IL1R2: variants seen among roughly 807,000 people sequenced by gnomAD.
IL1R2 encodes the protein interleukin 1 receptor type 2.
A neutral mutation model predicts 39.5 loss-of-function variants in IL1R2; 46 were observed. The observed-to-expected ratio is 1.16, with a 90% CI of 0.92 to 1.49. The LOEUF is 1.49. Ranked by LOEUF, IL1R2 falls within the 40% of genes most tolerant of loss-of-function variation. IL1R2 has a pLI of 0.00. For synonymous variants in IL1R2, 207 were observed against 189.6 expected (o/e 1.09, Z -0.75); for missense variants, 537 against 502.0 (o/e 1.07, Z -0.67).
At chr2:102,006,204 G>A (rs555236697) in intron 1 of IL1R2, among the ~76,000 whole-genome samples, 1 of 152,302 alleles carries the variant, frequency 6.6e-6, no homozygotes, top group East Asian at 1.9e-4. Flanking sequence ...CAGTATAGTT[G>A]GGGATGTGAT....
At chr2:101,998,518 A>G (rs1419791836) in intron 1 of IL1R2, among the ~76,000 whole-genome samples, 2 of 152,236 alleles carry the variant, frequency 1.3e-5, no homozygotes, top group East Asian at 3.8e-4. Context: ...CTATTTTATG[A>G]TAACTCCTAG....
intron 4 of IL1R2, 96 bp downstream of exon 4, chr2:102,016,147 GCACACA>G: frequency 1.1e-6 from 1 of 919,280 alleles, no homozygotes; most frequent in South Asian, 1.7e-5. Flanking sequence ...TGAAGACAGT[GCACACA>G]CACACACGCA....
intron 3 of IL1R2, chr2:102,010,215 T>C (rs1270671236): frequency 1.0e-5 from 2 of 191,094 alleles, no homozygotes; most frequent in Non-Finnish European, 2.2e-5. Context: ...TGGTCTATGT[T>C]GTTCACTGTT....
chr2:102,011,568 C>CT (rs1232210598), intron 3 of IL1R2, among the ~76,000 whole-genome samples: 3 of 152,202 alleles, frequency 2.0e-5, no homozygotes, highest in Non-Finnish European at 4.4e-5. Flanking sequence ...TTTATGGACT[C>CT]TAAGTCCTTT....
At chr2:102,027,046 A>G (rs1677785365) in intron 8 of IL1R2, among the ~76,000 whole-genome samples, 1 of 152,218 alleles carries the variant, frequency 6.6e-6, no homozygotes, top group Non-Finnish European at 1.5e-5. Context: ...CAGGACAGGG[A>G]ATGGCACCCA....
chr2:102,008,700 A>T, intron 2 of IL1R2, 58 bp downstream of exon 2: 1 of 1,425,374 alleles, frequency 7.0e-7, no homozygotes, highest in Non-Finnish European at 9.9e-7. Flanking sequence ...CTGGGGAAAG[A>T]TGTTATCTAG....
At chr2:102,006,690 G>A (rs1676283053) in intron 1 of IL1R2, among the ~76,000 whole-genome samples, 1 of 152,224 alleles carries the variant, frequency 6.6e-6, no homozygotes, top group Admixed American at 6.5e-5. Context: ...TCTAGTGTGT[G>A]GGCCATGAGG....
intron 8 of IL1R2, 42 bp downstream of exon 8, chr2:102,026,295 T>C (rs1238575013): frequency 1.4e-6 from 2 of 1,462,002 alleles, no homozygotes; most frequent in Non-Finnish European, 1.9e-6. Context: ...GAATATAACA[T>C]GTTGAATGTT....
chr2:102,028,182 T>G, intron 8 of IL1R2, 44 bp from the exon 9 acceptor site: 13 of 1,542,842 alleles, frequency 8.4e-6, no homozygotes, highest in Non-Finnish European at 9.7e-6. Context: ...TCTTGTACAG[T>G]GAGAGACTGT....
intron 1 of IL1R2, among the ~76,000 whole-genome samples, chr2:101,998,275 C>G (rs1037576432): frequency 6.6e-6 from 1 of 152,186 alleles, no homozygotes; most frequent in Admixed American, 6.5e-5. Flanking sequence ...CTGGTGTCTG[C>G]GCTTAAAATC....
At position 102,024,849 on chromosome 2, in the gene IL1R2, C is replaced by T. The variant is rs1311568962; in HGVS notation, c.887+181C>T. 1.5e-5 allele frequency: 11 copies of T among 747,412 alleles called. No individual in the cohort carries two copies. The African/African-American group carries it at 1.6e-4, about 11-fold the overall frequency. The allele number at this position is 747,412 out of a possible 1,614,324, so 46.3% of individuals were successfully genotyped here. ...AATTATCTTGAGAATCAAACTTTCTCTGTAAATACTTAAAAGTTGAGTTGC... is the reference window on the plus strand; with the variant it reads ...AATTATCTTGAGAATCAAACTTTCTTTGTAAATACTTAAAAGTTGAGTTGC... On this transcript the variant is annotated intron_variant, in intron 7 of 8. Transcript: ENST00000332549.
intron 1 of IL1R2, among the ~76,000 whole-genome samples, chr2:102,002,469 G>GTGTCTA (rs1243790872): frequency 9.6e-6 from 1 of 104,098 alleles, no homozygotes; most frequent in Non-Finnish European, 1.8e-5. Flanking sequence ...GTCTCTGTCT[G>GTGTCTA]TGTCTGTGTC....
At chr2:102,013,552 AGGAAAGAAAGAAAAGAAAAGAAGGAAAAG>A (rs1676782017) in intron 3 of IL1R2, among the ~76,000 whole-genome samples, 67 of 89,960 alleles carry the variant, frequency 7.4e-4, no homozygotes, top group Middle Eastern at 5.3e-3. Flanking sequence ...AAAAAAAAAA[AGGAAAGAAAGAAAAGAAAAGAAGGAAAAG>A]AAAAAGAAAA....
intron 1 of IL1R2, among the ~76,000 whole-genome samples, chr2:101,992,380 C>G (rs201671574): frequency 7.6e-6 from 1 of 130,886 alleles, no homozygotes; most frequent in Non-Finnish European, 1.6e-5. Context: ...GGCAGAGAGA[C>G]AGAGACAGAG....
chr2:102,027,391 T>G (rs1195759770), intron 8 of IL1R2, among the ~76,000 whole-genome samples: 1 of 152,158 alleles, frequency 6.6e-6, no homozygotes, highest in Non-Finnish European at 1.5e-5. Context: ...CTGGGAACCT[T>G]TAAAATTTTC....
intron 4 of IL1R2, among the ~76,000 whole-genome samples, chr2:102,018,859 A>G (rs1677176779): frequency 6.6e-6 from 1 of 152,220 alleles, no homozygotes; most frequent in Non-Finnish European, 1.5e-5. Flanking sequence ...TCTCCTTTCA[A>G]TTAAATATGT....
In IL1R2 at chr2:102,008,631, C is replaced by G; in HGVS notation, c.56C>G (p.Ala19Gly). 6.2e-7 allele frequency: 1 copy of G among 1,613,636 alleles called. No individual in the cohort carries two copies. The highest frequency in any genetic ancestry group is 8.5e-7 in the Non-Finnish European group (1 of 1,179,634). The stretch of plus-strand genomic sequence containing the variant: ...GTTTCTGCCTTCACCCTTCAGCCTG[C>G]GGCACACACAGGTTAGAAGTAAACC... ...MGVSAFTLQP[A>G]AHTGAARSCR... is the part of the protein sequence containing the mutation. The change falls in exon 2 of 9, where the codon GCG becomes GGG. Residue 19 changes from alanine to glycine, a missense_variant. By Grantham distance (60) the Ala-to-Gly change is moderately conservative (BLOSUM62 0). Coordinates refer to ENST00000332549, the MANE Select transcript of IL1R2 (RefSeq NM_004633.4).
At chr2:102,015,730 T>A (rs1302578791) in intron 3 of IL1R2, 141 bp from the exon 4 acceptor site, 2 of 671,730 alleles carry the variant, frequency 3.0e-6, no homozygotes, top group Non-Finnish European at 5.0e-6. Context: ...AGTTGAACCA[T>A]CTTATGTCGG....
intron 5 of IL1R2, among the ~76,000 whole-genome samples, chr2:102,021,801 C>A (rs956684774): frequency 1.3e-5 from 2 of 152,176 alleles, no homozygotes; most frequent in Non-Finnish European, 2.9e-5. Context: ...GTGGCAGGCA[C>A]TTTGGAGAGG....
Sources: gnomAD v4.1 joint callset for allele counts (sites outside exome capture counted in the v4.1 genomes callset) on GRCh38, gnomAD v4.1.1 for gene constraint, MANE v1.5 for transcripts, NCBI Gene and HGNC (gene_info 2026-07-23, HGNC 2026-07-21) for gene names.